The following TSNARE1 variants were observed in gnomAD, a reference collection of about 807,000 sequenced individuals.
The protein encoded by TSNARE1 is t-SNARE domain containing 1, also known as t-SNARE domain-containing protein 1.
TSNARE1 carries 49 observed loss-of-function variants against 62.0 expected under a neutral mutation model. That is an observed-to-expected ratio of 0.79 (90% CI 0.63 to 1.00). The LOEUF is 1.00. TSNARE1 is among the 50% of genes least tolerant of loss of function. TSNARE1 has a pLI of 0.00. For missense variants in TSNARE1, 755 were observed against 700.1 expected, an observed-to-expected ratio of 1.08 and a Z score of -0.88; for synonymous variants, 328 against 294.4, an observed-to-expected ratio of 1.11 and a Z score of -1.17.
upstream of TSNARE1, chr8:142,405,996 C>T (rs1250531421): frequency 6.6e-6 from 1 of 152,326 alleles, no homozygotes; most frequent in Non-Finnish European, 1.5e-5. Flanking sequence ...CCAGCTGTGA[C>T]ACTGTTTGCC....
At chr8:142,256,196 C>A (rs1464074036) in intron 12 of TSNARE1, among the ~76,000 whole-genome samples, 2 of 119,696 alleles carry the variant, frequency 1.7e-5, no homozygotes, top group African/African-American at 6.4e-5. Flanking sequence ...ACCATCATCA[C>A]CACCACCACT....
At chr8:142,295,143 C>A (rs1824467302) in intron 10 of TSNARE1, among the ~76,000 whole-genome samples, 2 of 152,194 alleles carry the variant, frequency 1.3e-5, no homozygotes, top group South Asian at 4.1e-4. Context: ...ACCCCTCGAG[C>A]CTTCTCCCAC....
chr8:142,294,357 C>A (rs1824322871), intron 10 of TSNARE1, among the ~76,000 whole-genome samples: 1 of 152,214 alleles, frequency 6.6e-6, no homozygotes. Flanking sequence ...GTCCTTCACG[C>A]CCTCACCCAC....
intron 7 of TSNARE1, among the ~76,000 whole-genome samples, chr8:142,316,349 C>T (rs1407332807): frequency 6.6e-6 from 1 of 151,718 alleles, no homozygotes; most frequent in Non-Finnish European, 1.5e-5. Flanking sequence ...CATGGAAAGG[C>T]TCCAGGCCGC....
chr8:142,288,515 T>C (rs984572702), intron 10 of TSNARE1, among the ~76,000 whole-genome samples: 2 of 152,214 alleles, frequency 1.3e-5, no homozygotes, highest in South Asian at 2.1e-4. Flanking sequence ...GCTTCACAGA[T>C]AGCTTGCTCC....
chr8:142,269,283 T>G (rs1819313894), intron 12 of TSNARE1, among the ~76,000 whole-genome samples: 1 of 152,154 alleles, frequency 6.6e-6, no homozygotes, highest in Admixed American at 6.5e-5. Flanking sequence ...GCTCCATGTG[T>G]AACTGGGGTC....
chr8:142,380,077 CAAT>C (rs376145643), intron 1 of TSNARE1, among the ~76,000 whole-genome samples: 1,838 of 152,292 alleles, frequency 0.012, 20 homozygotes, highest in Middle Eastern at 0.031. Flanking sequence ...ACAACAACAA[CAAT>C]AAGAGTGGGG....
In TSNARE1 at chr8:142,291,964, C is replaced by A. The variant is rs541416489; in HGVS notation, c.1291-7479G>T. 6.6e-6 allele frequency among the ~76,000 whole-genome samples: 1 copy of A among 151,900 alleles called. No individual in the cohort carries two copies. Among genetic ancestry groups the A allele is most frequent in the South Asian group, 2.1e-4 (1 of 4,780 alleles). On this transcript the variant is annotated intron_variant, in intron 10 of 13. Transcript: ENST00000524325. The surrounding 1 kb of genome is among the most constrained non-coding windows in gnomAD (Gnocchi z 4.8). The stretch of plus-strand genomic sequence containing the variant: ...GTGGACGGTCACAGCAACGCACGCC[C>A]CCCCCGGCCCCCCACCTGTTTCAAG...
intron 4 of TSNARE1, among the ~76,000 whole-genome samples, chr8:142,341,408 C>A (rs1232974854): frequency 6.6e-6 from 1 of 152,226 alleles, no homozygotes; most frequent in Non-Finnish European, 1.5e-5. Context: ...GAGTAAAGCG[C>A]AGGCAGTGGT....
chr8:142,331,834 G>A lies in TSNARE1; in HGVS notation c.746-3C>T. On this transcript the variant is annotated splice_polypyrimidine_tract_variant and splice_region_variant and intron_variant, in intron 4 of 13. Transcript: ENST00000524325. ...GTTGCACGGATCGACCTGGGTGGCT[G>A]GGAGAAGACAGGGAGGAGGAAAGAA... is the stretch of plus-strand genomic sequence containing the variant. 6.2e-7 allele frequency: 1 copy of A among 1,606,740 alleles called. No individual in the cohort carries two copies. Among genetic ancestry groups the A allele is most frequent in the Non-Finnish European group, 8.5e-7 (1 of 1,176,666 alleles).
At chr8:142,325,575 G>T (rs1586815029) in intron 6 of TSNARE1, among the ~76,000 whole-genome samples, 1 of 152,178 alleles carries the variant, frequency 6.6e-6, no homozygotes, top group East Asian at 1.9e-4. Flanking sequence ...AGGGCAGGGT[G>T]GCGTGGGGTC....
intron 12 of TSNARE1, among the ~76,000 whole-genome samples, chr8:142,265,462 T>C (rs922034182): frequency 1.3e-5 from 2 of 152,214 alleles, no homozygotes; most frequent in Non-Finnish European, 1.5e-5. Flanking sequence ...AACTCCACTG[T>C]GTGGCCGTGG....
In TSNARE1 at chr8:142,220,924, G is replaced by A. The variant is rs1033858414; in HGVS notation, c.*11+8549C>T. On this transcript the variant is annotated intron_variant, in intron 13 of 13. Transcript: ENST00000524325. ...AAATGAAGGACTGAGGACAGAATCC[G>A]TGTAAAGTACTCACTCCCTGCTGGC... 3.9e-5 allele frequency among the ~76,000 whole-genome samples: 6 copies of A among 152,230 alleles called. No individual in the cohort carries two copies. The South Asian group carries it at 8.3e-4, about 21-fold the overall frequency.
chr8:142,386,328 G>A (rs1177137773), intron 1 of TSNARE1, among the ~76,000 whole-genome samples: 1 of 151,966 alleles, frequency 6.6e-6, no homozygotes, highest in Non-Finnish European at 1.5e-5. Context: ...AAGTATTAGA[G>A]GCATTTATGA....
chr8:142,325,103 G>A (rs1041305460), intron 6 of TSNARE1, among the ~76,000 whole-genome samples: 11 of 152,266 alleles, frequency 7.2e-5, no homozygotes, highest in South Asian at 2.1e-4. Context: ...CCCAGGGACC[G>A]CCCACGGTGG....
intron 9 of TSNARE1, among the ~76,000 whole-genome samples, chr8:142,314,132 C>A (rs1052400779): frequency 1.3e-5 from 2 of 152,238 alleles, no homozygotes; most frequent in Non-Finnish European, 2.9e-5. Context: ...AGCAGGAGAG[C>A]TGGTCTGACC....
At position 142,388,129 on chromosome 8, in the gene TSNARE1, A is replaced by G. The variant is rs578105295; in HGVS notation, c.-40+14975T>C. ...AGCAACTTCGTTTGTATAATTCACT[A>G]TATTAATATGTCTTAAGAAAAAAAT... is the stretch of plus-strand genomic sequence containing the variant. On this transcript the variant is annotated intron_variant, in intron 1 of 13. Coordinates refer to ENST00000524325, the MANE Select transcript of TSNARE1 (RefSeq NM_145003.5). Among the ~76,000 whole-genome samples the G allele has an allele frequency of 2.6e-5, 4 of 152,330 alleles. No individual in the cohort carries two copies. The East Asian group carries it at 7.7e-4, about 29-fold the overall frequency.
intron 1 of TSNARE1, among the ~76,000 whole-genome samples, chr8:142,386,600 A>G (rs998747559): frequency 6.6e-6 from 1 of 152,212 alleles, no homozygotes; most frequent in Non-Finnish European, 1.5e-5. Flanking sequence ...TTCACATGGT[A>G]TAAGAGACAC....
At chr8:142,248,967 C>T (rs1028748993) in intron 12 of TSNARE1, among the ~76,000 whole-genome samples, 4 of 152,246 alleles carry the variant, frequency 2.6e-5, no homozygotes, top group East Asian at 1.9e-4. Context: ...AGAAGGGCCA[C>T]GCCTTTGGAG....
Sources: gnomAD v4.1 joint callset for allele counts (sites outside exome capture counted in the v4.1 genomes callset) on GRCh38, gnomAD v4.1.1 for gene constraint, Gnocchi (gnomAD v3.1) non-coding constraint, MANE v1.5 for transcripts, NCBI Gene and HGNC (gene_info 2026-07-23, HGNC 2026-07-21) for gene names.